The following BRINP1 variants were observed in gnomAD, a reference collection of about 807,000 sequenced individuals.
BRINP1 encodes the protein BMP/retinoic acid-inducible neural-specific protein 1.
In BRINP1, 17 loss-of-function variants were observed where a neutral mutation model predicts 72.9. The ratio of observed to expected loss-of-function variants is 0.23; its 90% CI spans 0.16 to 0.35. The LOEUF (loss-of-function observed/expected upper bound fraction) is 0.35. BRINP1 is among the 10% of genes least tolerant of loss of function. The probability of loss-of-function intolerance (pLI) is 1.00; values close to 1 mark genes in which losing one functional copy is unlikely to be tolerated. For synonymous variants in BRINP1, 418 were observed against 378.5 expected (o/e 1.10, Z -1.21); for missense variants, 850 against 1,001.6 (o/e 0.85, Z 2.04).
chr9:119,340,406 T>TCTGAGGGAAAAAAAAAAGG (rs1445430020), intron 1 of BRINP1, among the ~76,000 whole-genome samples: 9 of 149,892 alleles, frequency 6.0e-5, no homozygotes, highest in Non-Finnish European at 1.0e-4. Context: ...TATTCCAACC[T>TCTGAGGGAAAAAAAAAAGG]CTGAGGGAAA....
At chr9:119,192,449 A>T (rs1829692519) in intron 7 of BRINP1, among the ~76,000 whole-genome samples, 1 of 152,082 alleles carries the variant, frequency 6.6e-6, no homozygotes, top group Admixed American at 6.6e-5. Flanking sequence ...CTGAACAGAC[A>T]TTTCTCCACA....
At chr9:119,362,158 G>A (rs1285026149) in intron 1 of BRINP1, among the ~76,000 whole-genome samples, 1 of 148,456 alleles carries the variant, frequency 6.7e-6, no homozygotes, top group African/African-American at 2.5e-5. Flanking sequence ...CTTCAGTGAA[G>A]CAAGCCACAG....
chr9:119,363,543 A>G (rs1831656770), intron 1 of BRINP1, among the ~76,000 whole-genome samples: 1 of 152,220 alleles, frequency 6.6e-6, no homozygotes, highest in Non-Finnish European at 1.5e-5. Context: ...AAATTATACC[A>G]TCCACATTCC....
intron 1 of BRINP1, among the ~76,000 whole-genome samples, chr9:119,349,147 G>A (rs969750396): frequency 5.3e-5 from 8 of 152,130 alleles, no homozygotes; most frequent in African/African-American, 1.4e-4. Context: ...AAAAACCCCC[G>A]CGTAAGAGCT....
intron 2 of BRINP1, among the ~76,000 whole-genome samples, chr9:119,251,225 G>A (rs1275614589): frequency 6.6e-6 from 1 of 152,082 alleles, no homozygotes; most frequent in Non-Finnish European, 1.5e-5. Flanking sequence ...CACCTACTAA[G>A]GGCAACATAT....
rs1253344257 is a variant in BRINP1 at position 119,369,039 on chromosome 9, A to C, written c.-51+17T>G. On this transcript the variant is annotated intron_variant, in intron 1 of 7. Transcript: ENST00000265922. ...GGGCAGCGGGGCTGCGGGGCGCTGC[A>C]CCCGGCGCCGCCTTACCTGGAGTCA... 2.5e-6 allele frequency: 1 copy of C among 393,806 alleles called. No individual in the cohort carries two copies. The highest frequency in any genetic ancestry group is 4.5e-6 in the Non-Finnish European group (1 of 223,506). The allele number at this position is 393,806 out of a possible 1,614,324, so 24.4% of individuals were successfully genotyped here. A position where few individuals can be genotyped will look rare whatever the true frequency, so the allele number is the denominator to read the frequency against.
chr9:119,274,934 CATTA>C (rs1395849395), intron 2 of BRINP1, among the ~76,000 whole-genome samples: 6 of 152,110 alleles, frequency 3.9e-5, no homozygotes, highest in African/African-American at 1.2e-4. Flanking sequence ...GTAGTGTGTA[CATTA>C]TTTAATGTAT....
chr9:119,294,895 C>T (rs1194425459), intron 2 of BRINP1, among the ~76,000 whole-genome samples: 1 of 144,126 alleles, frequency 6.9e-6, no homozygotes. Flanking sequence ...GGAAAGGTAG[C>T]ACGTGTTCAT....
chr9:119,362,326 A>G (rs1426644035), intron 1 of BRINP1, among the ~76,000 whole-genome samples: 1 of 152,094 alleles, frequency 6.6e-6, no homozygotes, highest in Non-Finnish European at 1.5e-5. Context: ...GAGACAGAAA[A>G]AGATACTGCC....
intron 2 of BRINP1, among the ~76,000 whole-genome samples, chr9:119,280,506 A>G (rs1202353881): frequency 1.3e-5 from 2 of 151,542 alleles, no homozygotes; most frequent in Non-Finnish European, 1.5e-5. Flanking sequence ...AGCCTCCCAA[A>G]GTGCTGGGAT....
chr9:119,320,563 G>C (rs893114030), intron 1 of BRINP1, among the ~76,000 whole-genome samples: 2 of 152,186 alleles, frequency 1.3e-5, no homozygotes, highest in African/African-American at 4.8e-5. Context: ...AAGCAGGTCA[G>C]AGGGCTGAGA....
rs867228633 is a variant in BRINP1 at position 119,167,232 on chromosome 9, C to T, written c.2138G>A (p.Gly713Glu). 6.2e-7 allele frequency: 1 copy of T among 1,614,124 alleles called. No individual in the cohort carries two copies. Among genetic ancestry groups the T allele is most frequent in the Admixed American group, 1.7e-5 (1 of 60,024 alleles). Residue 713 changes from glycine to glutamate, a missense_variant, in exon 8 of 8, where the codon GGG becomes GAG. Gly to Glu is a moderately conservative substitution (Grantham distance 98, BLOSUM62 -2). Transcript: ENST00000265922. The surrounding 1 kb of genome is among the most constrained non-coding windows in gnomAD (Gnocchi z 4.3). Reference sequence around the variant, plus strand: ...GGAGAACAAGTCCAGCTGGGGTTTCCCCGGGGCCACAGGAGGGGCCAGGCG... The same window carrying T: ...GGAGAACAAGTCCAGCTGGGGTTTCTCCGGGGCCACAGGAGGGGCCAGGCG... ...INRLAPPVAP[G>E]KPQLDLFSCM...
At chr9:119,263,535 A>G (rs1165862110) in intron 2 of BRINP1, among the ~76,000 whole-genome samples, 6 of 149,056 alleles carry the variant, frequency 4.0e-5, no homozygotes, top group African/African-American at 1.5e-4. Flanking sequence ...TTGGACAGGG[A>G]CTGTATCTAT....
Position 119,368,948 on chromosome 9 carries a change from G to T in BRINP1, c.-51+108C>A, listed in dbSNP as rs1831724901. 2 of 385,264 alleles carry T rather than the reference G, an allele frequency of 5.2e-6. No homozygotes were observed. The highest frequency in any genetic ancestry group is 1.4e-4 in the South Asian group (1 of 6,924). The allele number at this position is 385,264 out of a possible 1,614,324, so 23.9% of individuals were successfully genotyped here. A position where few individuals can be genotyped will look rare whatever the true frequency, so the allele number is the denominator to read the frequency against. On this transcript the variant is annotated intron_variant, in intron 1 of 7. Transcript: ENST00000265922. The surrounding 1 kb of genome is among the most constrained non-coding windows in gnomAD (Gnocchi z 4.7). ...GCGGCCAGGTGAAGAGCGGACAAGG[G>T]TGCCGGTAGGGGGAGGGGCAGAGGA...
intron 2 of BRINP1, among the ~76,000 whole-genome samples, chr9:119,308,424 G>A (rs1831021415): frequency 1.3e-5 from 2 of 152,178 alleles, no homozygotes; most frequent in African/African-American, 4.8e-5. Context: ...CTTGAGGGCA[G>A]GAATCCTGTT....
At chr9:119,260,186 A>G (rs1830483263) in intron 2 of BRINP1, among the ~76,000 whole-genome samples, 1 of 152,220 alleles carries the variant, frequency 6.6e-6, no homozygotes, top group African/African-American at 2.4e-5. Context: ...ATGCACTAAA[A>G]TCTTTAAGGA....
intron 2 of BRINP1, among the ~76,000 whole-genome samples, chr9:119,306,330 C>T (rs1209966712): frequency 6.6e-6 from 1 of 152,114 alleles, no homozygotes; most frequent in Non-Finnish European, 1.5e-5. Context: ...TGAATTGGCA[C>T]CAGATGGCCC....
chr9:119,208,830 A>G lies in BRINP1; in HGVS notation c.1034T>C (p.Leu345Pro). Residue 345 changes from leucine (L) to proline (P), a missense_variant, in exon 7 of 8, where the codon CTG (leucine) becomes CCG (proline). Physicochemically the swap from Leu to Pro is moderately conservative, Grantham distance 98 (BLOSUM62 -3). Transcript: ENST00000265922. ...DWDLQNRYKL[L>P]QSATEAQRQK... ...TCTCTGTGCCTCCGTGGCACTCTGC[A>G]GGAGCTTGTAGCGGTTCTGCAGGTC... 6.2e-7 allele frequency: 1 copy of G among 1,614,168 alleles called. No individual in the cohort carries two copies. The highest frequency in any genetic ancestry group is 1.7e-5 in the Admixed American group (1 of 60,014).
intron 2 of BRINP1, among the ~76,000 whole-genome samples, chr9:119,280,824 G>A (rs756897725): frequency 1.4e-4 from 21 of 152,162 alleles, no homozygotes; most frequent in Non-Finnish European, 2.8e-4. Flanking sequence ...AATTGCTCTA[G>A]TAATACAGCA....
Sources: allele counts gnomAD v4.1 joint callset (sites outside exome capture counted in the v4.1 genomes callset), GRCh38; gene constraint gnomAD v4.1.1; non-coding constraint Gnocchi (gnomAD v3.1); transcripts MANE v1.5; gene names NCBI Gene and HGNC (gene_info 2026-07-23, HGNC 2026-07-21).